The following LRP12 variants were observed in gnomAD, a reference collection of about 807,000 sequenced individuals.
The protein encoded by LRP12 is low-density lipoprotein receptor-related protein 12.
LRP12 carries 14 observed loss-of-function variants against 66.0 expected under a neutral mutation model. The observed-to-expected ratio is 0.21, with a 90% CI of 0.14 to 0.33. LRP12 has a LOEUF of 0.33. LRP12 is among the 10% of genes least tolerant of loss of function. The pLI is 1.00. For synonymous variants in LRP12, 357 were observed against 359.1 expected, an observed-to-expected ratio of 0.99 and a Z score of 0.07; for missense variants, 889 against 1,053.4, an observed-to-expected ratio of 0.84 and a Z score of 2.16.
intron 2 of LRP12, among the ~76,000 whole-genome samples, chr8:104,512,803 C>T (rs3110525): frequency 0.19 from 28,603 of 152,090 alleles, 3,100 homozygotes; most frequent in East Asian, 0.37. Flanking sequence ...ATTTTATTTT[C>T]ATGCAACGGC....
intron 1 of LRP12, among the ~76,000 whole-genome samples, chr8:104,554,496 AAAC>A (rs1344092832): frequency 2.0e-5 from 3 of 152,120 alleles, no homozygotes; most frequent in Non-Finnish European, 1.5e-5. Flanking sequence ...TGGAAAATTG[AAAC>A]AACAGAACAA....
intron 6 of LRP12, 104 bp downstream of exon 6, chr8:104,494,973 G>A: frequency 9.7e-7 from 1 of 1,026,936 alleles, no homozygotes; most frequent in Non-Finnish European, 1.4e-6. Flanking sequence ...TTAAATCCTT[G>A]ATTGCAAAAA....
intron 1 of LRP12, among the ~76,000 whole-genome samples, chr8:104,547,253 T>A (rs1204149953): frequency 7.2e-6 from 1 of 138,526 alleles, no homozygotes; most frequent in Non-Finnish European, 1.5e-5. Context: ...ACAATTCTGT[T>A]ATATCATATT....
intron 1 of LRP12, among the ~76,000 whole-genome samples, chr8:104,546,535 C>A (rs769035743): frequency 6.6e-6 from 1 of 151,986 alleles, no homozygotes; most frequent in East Asian, 1.9e-4. Flanking sequence ...TCCATCGTCC[C>A]CACATTATGG....
chr8:104,564,709 T>C (rs1053959812), intron 1 of LRP12, among the ~76,000 whole-genome samples: 1 of 151,878 alleles, frequency 6.6e-6, no homozygotes, highest in Non-Finnish European at 1.5e-5. Flanking sequence ...GGCGGGCAGA[T>C]CACTTGAGGT....
intron 6 of LRP12, among the ~76,000 whole-genome samples, chr8:104,492,874 G>C (rs934904973): frequency 1.3e-5 from 2 of 151,830 alleles, no homozygotes; most frequent in Non-Finnish European, 2.9e-5. Flanking sequence ...AAGAAAAAGC[G>C]GTTCACATTT....
chr8:104,491,603 A>AC (rs911899117), intron 6 of LRP12, 64 bp from the exon 7 acceptor site: 8 of 1,306,898 alleles, frequency 6.1e-6, no homozygotes, highest in African/African-American at 6.0e-5. Flanking sequence ...AAAAAAAAAA[A>AC]AACACCCTTC....
At chr8:104,548,600 A>AATTATATAATTAAATTAATTATATAATT (rs1458704954) in intron 1 of LRP12, among the ~76,000 whole-genome samples, 27,262 of 112,748 alleles carry the variant, frequency 0.24, 4,987 homozygotes, top group East Asian at 0.28. Flanking sequence ...TATAATATAG[A>AATTATATAATTAAATTAATTATATAATT]ATTATATAAT....
chr8:104,558,908 A>G (rs1321937476), intron 1 of LRP12, among the ~76,000 whole-genome samples: 1 of 152,228 alleles, frequency 6.6e-6, no homozygotes, highest in Non-Finnish European at 1.5e-5. Context: ...ACAATGCAGT[A>G]CCACCTTACT....
chr8:104,526,527 G>A (rs1281278261), intron 2 of LRP12, among the ~76,000 whole-genome samples: 7 of 147,862 alleles, frequency 4.7e-5, no homozygotes, highest in South Asian at 4.3e-4. Context: ...AAATAATGCT[G>A]CATATCTACA....
intron 3 of LRP12, among the ~76,000 whole-genome samples, chr8:104,502,290 T>G (rs947233026): frequency 2.6e-5 from 4 of 152,318 alleles, no homozygotes; most frequent in East Asian, 3.9e-4. Context: ...TGGACAGGAT[T>G]CAAACTCCAC....
In LRP12 at chr8:104,497,997, A is replaced by G; in HGVS notation, c.555T>C (p.Cys185=). The part of the protein sequence containing the change: ...NGKCIPEAWK[C]NNMDECGDSS... ...TATCTCCACATTCATCCATGTTATT[A>G]CATTTCCAGGCTTCTGGTATACACT... is the stretch of plus-strand genomic sequence containing the variant. Residue 185 remains cysteine (C), a synonymous_variant, in exon 5 of 7, where the codon TGT becomes TGC. Transcript: ENST00000276654. The surrounding 1 kb of genome is among the most constrained non-coding windows in gnomAD (Gnocchi z 4.3). 1 of 1,614,166 alleles carries G rather than the reference A, an allele frequency of 6.2e-7. No individual in the cohort carries two copies. The highest frequency in any genetic ancestry group is 8.5e-7 in the Non-Finnish European group (1 of 1,180,014).
chr8:104,555,808 T>C (rs1811798230), intron 1 of LRP12, among the ~76,000 whole-genome samples: 1 of 152,010 alleles, frequency 6.6e-6, no homozygotes, highest in Non-Finnish European at 1.5e-5. Flanking sequence ...CTAAAACAAA[T>C]GGACTTAACA....
chr8:104,561,987 T>C (rs1192995892), intron 1 of LRP12, among the ~76,000 whole-genome samples: 1 of 152,202 alleles, frequency 6.6e-6, no homozygotes, highest in Non-Finnish European at 1.5e-5. Context: ...CTCACTGCTA[T>C]TGTGCAATTA....
intron 1 of LRP12, among the ~76,000 whole-genome samples, chr8:104,579,438 A>C (rs1332581841): frequency 6.6e-6 from 1 of 152,222 alleles, no homozygotes; most frequent in Non-Finnish European, 1.5e-5. Context: ...AATGACACAA[A>C]CAAATGAAAA....
At chr8:104,526,082 T>C (rs1379397713) in intron 2 of LRP12, among the ~76,000 whole-genome samples, 3 of 152,076 alleles carry the variant, frequency 2.0e-5, no homozygotes, top group East Asian at 1.9e-4. Context: ...CCATTCACAA[T>C]TGCTTCAAAG....
At chr8:104,546,138 G>A (rs1588499233) in intron 1 of LRP12, among the ~76,000 whole-genome samples, 1 of 152,136 alleles carries the variant, frequency 6.6e-6, no homozygotes, top group East Asian at 1.9e-4. Flanking sequence ...GACAGTAAGA[G>A]ACTAGCGATA....
At chr8:104,525,987 C>T (rs1030403246) in intron 2 of LRP12, among the ~76,000 whole-genome samples, 4 of 152,284 alleles carry the variant, frequency 2.6e-5, no homozygotes, top group East Asian at 1.9e-4. Context: ...AGCAGTCTCA[C>T]GATACAAAAT....
chr8:104,499,295 T>A (rs750140989), intron 4 of LRP12, 22 bp downstream of exon 4: 13 of 1,587,028 alleles, frequency 8.2e-6, no homozygotes, highest in African/African-American at 2.7e-5. Flanking sequence ...CAGTTCAATA[T>A]CTTTCTTATT....
Sources: gnomAD v4.1 joint callset for allele counts (sites outside exome capture counted in the v4.1 genomes callset) on GRCh38, gnomAD v4.1.1 for gene constraint, Gnocchi (gnomAD v3.1) non-coding constraint, MANE v1.5 for transcripts, NCBI Gene and HGNC (gene_info 2026-07-23, HGNC 2026-07-21) for gene names.